XPA: variants seen among roughly 807,000 people sequenced by gnomAD.
The protein encoded by XPA is XPA, DNA damage recognition and repair factor.
A neutral mutation model predicts 35.7 loss-of-function variants in XPA; 27 were observed. The ratio of observed to expected loss-of-function variants is 0.76; its 90% confidence interval spans 0.56 to 1.04. The LOEUF (loss-of-function observed/expected upper bound fraction) is 1.04. Ranked by LOEUF, XPA falls within the 50% of genes least tolerant of loss-of-function variation. The pLI is 0.00. For synonymous variants in XPA, 133 were observed against 118.4 expected, an observed-to-expected ratio of 1.12 and a Z score of -0.80; for missense variants, 354 against 342.7, an observed-to-expected ratio of 1.03 and a Z score of -0.26.
At chr9:97,658,783 C>T in the XPA span, 1 of 1,418,400 alleles carries the variant, frequency 7.1e-7, no homozygotes, top group Non-Finnish European at 1.0e-6. Context: ...TAAAAGGTAC[C>T]AGTTCAAGTA....
downstream of XPA, chr9:97,671,433 C>G (rs1211874957): frequency 4.8e-6 from 2 of 413,524 alleles, no homozygotes; most frequent in East Asian, 4.4e-5. Flanking sequence ...GTGACAGATA[C>G]AAATTCTCTG....
chr9:97,671,380 C>G (rs1409805952), downstream of XPA: 5 of 539,302 alleles, frequency 9.3e-6, no homozygotes, highest in Admixed American at 1.7e-4. Flanking sequence ...GCAAATACTT[C>G]CTAACGGCAG....
intron 5 of XPA, 57 bp downstream of exon 5, chr9:97,684,866 G>A (rs893870211): frequency 7.0e-7 from 1 of 1,435,902 alleles, no homozygotes; most frequent in Non-Finnish European, 9.8e-7. Flanking sequence ...TCTAGCTAAA[G>A]GCTTTTTGCA....
the XPA span, among the ~76,000 whole-genome samples, chr9:97,661,529 CAATA>C: frequency 6.6e-6 from 1 of 152,060 alleles, no homozygotes; most frequent in Non-Finnish European, 1.5e-5. Flanking sequence ...TTGCCTGAAT[CAATA>C]AATGGATATG....
the XPA span, among the ~76,000 whole-genome samples, chr9:97,669,355 A>C: frequency 4.6e-5 from 7 of 152,302 alleles, no homozygotes; most frequent in African/African-American, 1.7e-4. Flanking sequence ...AAGTAATATT[A>C]CTAGGATAAG....
Position 97,675,225 on chromosome 9 carries a change from G to GA in XPA, c.*213dup, listed in dbSNP as rs1564035637. 1.5e-6 allele frequency: 1 copy of GA among 665,674 alleles called. No homozygotes were observed. The highest frequency in any genetic ancestry group is 2.1e-5 in the Admixed American group (1 of 48,466). The allele number at this position is 665,674 out of a possible 1,614,324, so 41.2% of individuals were successfully genotyped here. Reference sequence around the variant, plus strand: ...TCTCTGTTGTAAGAAGGCAATCACAGACATGACATTGTGCACACAACCAGG... The same window carrying GA: ...TCTCTGTTGTAAGAAGGCAATCACAGAACATGACATTGTGCACACAACCAGG... On this transcript the variant is annotated 3_prime_UTR_variant, in exon 6 of 6. Transcript: ENST00000375128.
intron 5 of XPA, among the ~76,000 whole-genome samples, chr9:97,682,653 G>A (rs568076979): frequency 1.2e-4 from 19 of 152,098 alleles, no homozygotes; most frequent in African/African-American, 4.6e-4. Flanking sequence ...AATAACAAGC[G>A]AACTGAAAAA....
rs552830442 is a variant in XPA at position 97,675,167 on chromosome 9, C to G, written c.*272G>C. 78 of 588,340 alleles carry G rather than the reference C, an allele frequency of 1.3e-4. 2 individuals are homozygous for G. Among genetic ancestry groups the G allele is most frequent in the South Asian group, 1.1e-3 (75 of 65,740 alleles). The allele number at this position is 588,340 out of a possible 1,614,324, so 36.4% of individuals were successfully genotyped here. A position where few individuals can be genotyped will look rare whatever the true frequency, so the allele number is the denominator to read the frequency against. On this transcript the variant is annotated 3_prime_UTR_variant, in exon 6 of 6. Coordinates refer to ENST00000375128, the MANE Select transcript of XPA (RefSeq NM_000380.4). ...GTCCTCAAATTTGTAGCTGACCTAC[C>G]ACTTCTGCACCTACTCTAGCACTCA...
In XPA at chr9:97,684,935, T is replaced by A. The variant is rs774220091; in HGVS notation, c.661A>T (p.Lys221Ter). The A allele has an allele frequency of 6.2e-7, 1 of 1,613,510 alleles. No homozygotes were observed. ...REKMKQKKFD[K>*]KVKELRRAVR... is the part of the protein sequence containing the mutation. The stretch of plus-strand genomic sequence containing the variant: ...TGTGGCCATCTACCTTTTACTTTTT[T>A]ATCAAATTTCTTCTGTTTCATTTTT... Residue 221 changes from lysine to a stop codon, truncating the protein, a stop_gained, in exon 5 of 6, where the codon AAA becomes TAA. Coordinates refer to ENST00000375128, the MANE Select transcript of XPA (RefSeq NM_000380.4). LOFTEE classifies it high-confidence loss of function.
At chr9:97,664,396 C>T in the XPA span, 126 of 1,612,608 alleles carry the variant, frequency 7.8e-5, no homozygotes, top group Admixed American at 2.2e-4. Context: ...ATTGTGCTGC[C>T]GTAGCAAATT....
At chr9:97,660,948 T>A in the XPA span, 1 of 1,608,696 alleles carries the variant, frequency 6.2e-7, no homozygotes, top group Non-Finnish European at 8.5e-7. Flanking sequence ...GTGTTTAGAT[T>A]CTCTTCCTGG....
intron 5 of XPA, among the ~76,000 whole-genome samples, chr9:97,681,948 A>G (rs1828555644): frequency 6.6e-6 from 1 of 152,184 alleles, no homozygotes; most frequent in South Asian, 2.1e-4. Flanking sequence ...ATTTTGATAC[A>G]GAGTTTTGAT....
At chr9:97,673,420 A>G (rs1828256876), downstream of XPA, 1 of 152,196 alleles carries the variant, frequency 6.6e-6, no homozygotes, top group South Asian at 2.1e-4. Flanking sequence ...AAGTGTGGCT[A>G]GTTATGTTTG....
intron 4 of XPA, among the ~76,000 whole-genome samples, chr9:97,686,007 C>T (rs748063378): frequency 4.6e-5 from 7 of 152,142 alleles, no homozygotes; most frequent in Admixed American, 6.5e-5. Context: ...GATAAGAAAG[C>T]ATATGTTGAT....
At chr9:97,671,398 A>C (rs1040255033), downstream of XPA, 7 of 525,988 alleles carry the variant, frequency 1.3e-5, no homozygotes, top group African/African-American at 1.2e-4. Context: ...CAGTAATGTG[A>C]CTATGACCAT....
the XPA span, chr9:97,661,905 ATTG>A: frequency 4.0e-6 from 2 of 503,278 alleles, no homozygotes; most frequent in East Asian, 3.1e-5. Context: ...ACGGTCTTTT[ATTG>A]TTTATTAGAA....
the XPA span, among the ~76,000 whole-genome samples, chr9:97,664,145 C>A: frequency 6.6e-6 from 1 of 152,084 alleles, no homozygotes; most frequent in African/African-American, 2.4e-5. Flanking sequence ...TGCCACTCCA[C>A]TCCCGCCTAG....
the XPA span, among the ~76,000 whole-genome samples, chr9:97,667,466 G>C: frequency 2.0e-5 from 3 of 152,162 alleles, no homozygotes; most frequent in South Asian, 6.2e-4. Flanking sequence ...GCAAGTTTGA[G>C]TACCAGTCTC....
At chr9:97,654,751 G>T in the XPA span, 1 of 826,122 alleles carries the variant, frequency 1.2e-6, no homozygotes, top group Non-Finnish European at 1.9e-6. Flanking sequence ...AAACAAGATT[G>T]ATTGTGTGAA....
Sources: allele counts gnomAD v4.1 joint callset (sites outside exome capture counted in the v4.1 genomes callset), GRCh38; gene constraint gnomAD v4.1.1; transcripts MANE v1.5; gene names NCBI Gene and HGNC (gene_info 2026-07-23, HGNC 2026-07-21).